The following ZFHX4 variants were observed in gnomAD, a reference collection of about 807,000 sequenced individuals.
ZFHX4 encodes zinc finger homeobox 4.
A neutral mutation model predicts 267.6 loss-of-function variants in ZFHX4; 56 were observed. The observed-to-expected ratio is 0.21, with a 90% CI of 0.17 to 0.26. ZFHX4 has a LOEUF of 0.26. Among genes scored for constraint, ZFHX4 ranks in the 10% least tolerant of loss-of-function variants. The pLI, the probability that ZFHX4 is intolerant of heterozygous loss-of-function variation, is 1.00. For synonymous variants in ZFHX4, 1,778 were observed against 1,665.6 expected, an observed-to-expected ratio of 1.07 and a Z score of -1.64; for missense variants, 4,332 against 4,420.0, an observed-to-expected ratio of 0.98 and a Z score of 0.56.
Position 76,705,759 on chromosome 8 carries a change from G to A in ZFHX4, c.1671G>A (p.Lys557=). 2 of 1,614,026 alleles carry A rather than the reference G, an allele frequency of 1.2e-6. No homozygotes were observed. The highest frequency in any genetic ancestry group is 1.7e-6 in the Non-Finnish European group (2 of 1,179,904). Residue 557 remains lysine, a synonymous_variant, in exon 2 of 11, where the codon AAG becomes AAA. Transcript: ENST00000651372. The part of the protein sequence containing the change: ...SVASNYGISG[K]DFADASASKD... ...CTAGTAACTATGGCATCAGTGGCAA[G>A]GACTTTGCAGACGCAAGTGCCAGTA...
intron 4 of ZFHX4, among the ~76,000 whole-genome samples, chr8:76,801,442 C>T (rs1225045059): frequency 1.3e-5 from 2 of 152,126 alleles, no homozygotes; most frequent in African/African-American, 4.8e-5. Context: ...ATTTTACCTC[C>T]GCATTTGTGG....
At chr8:76,825,802 A>G (rs1811768847) in intron 4 of ZFHX4, among the ~76,000 whole-genome samples, 2 of 152,160 alleles carry the variant, frequency 1.3e-5, no homozygotes, top group African/African-American at 4.8e-5. Context: ...CATTGATTCA[A>G]CTCTATGGTT....
chr8:76,755,849 G>A (rs1809746235), intron 3 of ZFHX4, among the ~76,000 whole-genome samples: 1 of 152,086 alleles, frequency 6.6e-6, no homozygotes, highest in African/African-American at 2.4e-5. Context: ...GCTCAGCATT[G>A]CTATAATGAT....
chr8:76,760,928 C>CAAAAA (rs771069673), intron 3 of ZFHX4, among the ~76,000 whole-genome samples: 12 of 64,104 alleles, frequency 1.9e-4, no homozygotes, highest in South Asian at 6.2e-4. Context: ...GACCCTGCCT[C>CAAAAA]AAAAAAAAAA....
At chr8:76,782,022 A>G in intron 4 of ZFHX4, 1 of 308,166 alleles carries the variant, frequency 3.2e-6, no homozygotes, top group South Asian at 2.8e-5. Flanking sequence ...TTCCATTTCC[A>G]TGGAATTTCC....
chr8:76,689,800 G>T (rs1178914739), intron 1 of ZFHX4, among the ~76,000 whole-genome samples: 2 of 152,020 alleles, frequency 1.3e-5, no homozygotes, highest in Non-Finnish European at 2.9e-5. Context: ...CCACTTTAAG[G>T]CATATTTGAG....
At chr8:76,761,681 G>A (rs1809917000) in intron 3 of ZFHX4, among the ~76,000 whole-genome samples, 1 of 152,138 alleles carries the variant, frequency 6.6e-6, no homozygotes, top group Non-Finnish European at 1.5e-5. Flanking sequence ...AAAATAGAAG[G>A]AAAAGTATTT....
intron 4 of ZFHX4, among the ~76,000 whole-genome samples, chr8:76,792,395 C>G (rs958014346): frequency 6.6e-6 from 1 of 152,132 alleles, no homozygotes; most frequent in Admixed American, 6.6e-5. Flanking sequence ...TTGACTATTG[C>G]TTCAGTTTCG....
intron 4 of ZFHX4, among the ~76,000 whole-genome samples, chr8:76,820,238 G>A (rs533168989): frequency 4.6e-5 from 7 of 152,036 alleles, no homozygotes; most frequent in Non-Finnish European, 7.4e-5. Flanking sequence ...CACCAATATC[G>A]TCATCCTTCC....
chr8:76,794,034 A>C (rs899887289), intron 4 of ZFHX4, among the ~76,000 whole-genome samples: 1 of 152,172 alleles, frequency 6.6e-6, no homozygotes, highest in African/African-American at 2.4e-5. Context: ...CCCAACAAGC[A>C]TTTTAAGTAT....
intron 4 of ZFHX4, among the ~76,000 whole-genome samples, chr8:76,830,024 A>G (rs183739821): frequency 8.5e-5 from 13 of 152,292 alleles, no homozygotes; most frequent in African/African-American, 2.9e-4. Context: ...AGTTCAATGT[A>G]TCATTGTGGT....
chr8:76,768,262 T>C (rs1810103511), intron 3 of ZFHX4, among the ~76,000 whole-genome samples: 1 of 152,186 alleles, frequency 6.6e-6, no homozygotes, highest in Non-Finnish European at 1.5e-5. Context: ...TTAAATAACC[T>C]GTAAAGGGTT....
At chr8:76,730,085 T>A (rs2131659430) in intron 3 of ZFHX4, among the ~76,000 whole-genome samples, 1 of 152,250 alleles carries the variant, frequency 6.6e-6, no homozygotes, top group East Asian at 1.9e-4. Flanking sequence ...ACTTCTGGAA[T>A]AATTGAATTA....
intron 4 of ZFHX4, among the ~76,000 whole-genome samples, chr8:76,819,926 G>T (rs1256926225): frequency 6.6e-6 from 1 of 152,168 alleles, no homozygotes; most frequent in Admixed American, 6.5e-5. Context: ...AGTATTTAGG[G>T]TGATACAACA....
intron 1 of ZFHX4, among the ~76,000 whole-genome samples, chr8:76,690,852 C>G (rs2131583063): frequency 6.6e-6 from 1 of 152,100 alleles, no homozygotes; most frequent in African/African-American, 2.4e-5. Context: ...CTTTCATCTT[C>G]TAAGAATTGG....
At position 76,850,288 on chromosome 8, in the gene ZFHX4, C is replaced by A; in HGVS notation, c.3890C>A (p.Pro1297Gln). ...DVMMPNSMLL[P>Q]AAASEKSERD... is the part of the protein sequence containing the mutation. Reference sequence around the variant, plus strand: ...ATGATGCCAAACAGTATGCTACTGCCAGCAGCTGCCTCTGAGAAATCAGAG... The same window carrying A: ...ATGATGCCAAACAGTATGCTACTGCAAGCAGCTGCCTCTGAGAAATCAGAG... Residue 1297 changes from proline (P) to glutamine (Q), a missense_variant, in exon 9 of 11, where the codon CCA becomes CAA. By Grantham distance (76) the Pro-to-Gln change is moderately conservative. Around this residue, in one of 7 missense-constraint regions of ZFHX4, gnomAD observed 1,371 missense variants for 1,423.1 expected, o/e 0.96. Coordinates refer to ENST00000651372, the MANE Select transcript of ZFHX4 (RefSeq NM_024721.5). 6.2e-7 allele frequency: 1 copy of A among 1,613,308 alleles called. No homozygotes were observed. Among genetic ancestry groups the A allele is most frequent in the Non-Finnish European group, 8.5e-7 (1 of 1,179,692 alleles).
At chr8:76,815,354 T>C (rs949807891) in intron 4 of ZFHX4, among the ~76,000 whole-genome samples, 1 of 152,128 alleles carries the variant, frequency 6.6e-6, no homozygotes. Context: ...GTTTGTTTCT[T>C]ATAGTTCTGC....
At chr8:76,861,949 TGTCATGATCATTTG>T (rs1412016982) in intron 10 of ZFHX4, among the ~76,000 whole-genome samples, 1 of 152,086 alleles carries the variant, frequency 6.6e-6, no homozygotes, top group Non-Finnish European at 1.5e-5. Context: ...TCACAGTCCT[TGTCATGATCATTTG>T]GTAGTGAGCC....
Position 76,853,597 on chromosome 8 carries a change from A to G in ZFHX4, c.6676A>G (p.Lys2226Glu), listed in dbSNP as rs777773349. 1.2e-6 allele frequency: 2 copies of G among 1,613,892 alleles called. No individual in the cohort carries two copies. Among genetic ancestry groups the G allele is most frequent in the Non-Finnish European group, 1.7e-6 (2 of 1,179,868 alleles). ...EHYKSDASFS[K>E]RSSRTRFTDY... ...TTACAAATCTGATGCATCATTCAGT[A>G]AAAGGTCTTCTAGAACGAGATTTAC... Residue 2226 changes from lysine to glutamate, a missense_variant, in exon 10 of 11, where the codon AAA becomes GAA. By Grantham distance (56) the Lys-to-Glu change is moderately conservative. This residue lies in a region of ZFHX4 where 62 missense variants were observed against 69.8 expected (regional missense o/e 0.89). Transcript: ENST00000651372.
Sources: allele counts gnomAD v4.1 joint callset (sites outside exome capture counted in the v4.1 genomes callset), GRCh38; gene constraint gnomAD v4.1.1; regional missense constraint gnomAD v4.1.1; transcripts MANE v1.5; gene names NCBI Gene and HGNC (gene_info 2026-07-23, HGNC 2026-07-21).